The following EHBP1 variants were observed in gnomAD, a reference collection of about 807,000 sequenced individuals.
EHBP1 encodes the protein EH domain-binding protein 1.
EHBP1 carries 55 observed loss-of-function variants against 144.0 expected under a neutral mutation model. The observed-to-expected ratio is 0.38, with a 90% confidence interval of 0.31 to 0.48. EHBP1 has a LOEUF of 0.48. Among genes scored for constraint, EHBP1 ranks in the 20% least tolerant of loss-of-function variants. The probability of loss-of-function intolerance (pLI) is 0.98; values close to 1 mark genes in which losing one functional copy is unlikely to be tolerated. For missense variants in EHBP1, 1,200 were observed against 1,364.2 expected, an observed-to-expected ratio of 0.88 and a Z score of 1.90; for synonymous variants, 469 against 472.7, an observed-to-expected ratio of 0.99 and a Z score of 0.10.
At chr2:62,692,036 C>T (rs1337325779) in intron 1 of EHBP1, among the ~76,000 whole-genome samples, 1 of 151,958 alleles carries the variant, frequency 6.6e-6, no homozygotes, top group Non-Finnish European at 1.5e-5. Context: ...CAAAAAGAAG[C>T]CAATATTTAT....
intron 5 of EHBP1, among the ~76,000 whole-genome samples, chr2:62,805,267 T>C (rs2044351986): frequency 6.6e-6 from 1 of 152,120 alleles, no homozygotes; most frequent in Non-Finnish European, 1.5e-5. Context: ...CCATTCTAAA[T>C]TATATTATGG....
intron 2 of EHBP1, among the ~76,000 whole-genome samples, chr2:62,721,496 T>G (rs1055738831): frequency 5.9e-5 from 9 of 152,368 alleles, no homozygotes; most frequent in African/African-American, 2.2e-4. Context: ...TTTCATCTCC[T>G]GGAAGGAGAA....
intron 10 of EHBP1, among the ~76,000 whole-genome samples, chr2:62,910,406 A>T (rs1574015082): frequency 6.6e-6 from 1 of 152,224 alleles, no homozygotes; most frequent in East Asian, 1.9e-4. Flanking sequence ...GGGGAGAAAA[A>T]ATCAGTTTTA....
intron 19 of EHBP1, among the ~76,000 whole-genome samples, chr2:63,016,795 G>A (rs565236256): frequency 1.2e-3 from 177 of 152,242 alleles, no homozygotes; most frequent in African/African-American, 4.0e-3. Flanking sequence ...TCAAACAATT[G>A]ATTCTGCCAC....
At chr2:62,995,891 A>G (rs1047130062) in intron 18 of EHBP1, among the ~76,000 whole-genome samples, 1 of 152,132 alleles carries the variant, frequency 6.6e-6, no homozygotes, top group African/African-American at 2.4e-5. Context: ...TGGTTCAAAA[A>G]GTAAATTTTC....
intron 5 of EHBP1, chr2:62,772,160 A>G (rs1456382414): frequency 7.2e-6 from 1 of 138,974 alleles, no homozygotes; most frequent in Non-Finnish European, 1.6e-5. Context: ...AGAGAAAGAG[A>G]GAAAGGGAGG....
chr2:62,747,798 T>TG (rs1000926315), intron 3 of EHBP1, among the ~76,000 whole-genome samples: 7 of 151,698 alleles, frequency 4.6e-5, no homozygotes, highest in Admixed American at 4.6e-4. Flanking sequence ...TATAAGGAGG[T>TG]GGGGGGCCTT....
At chr2:62,859,931 T>C (rs2049367463) in intron 8 of EHBP1, among the ~76,000 whole-genome samples, 1 of 152,202 alleles carries the variant, frequency 6.6e-6, no homozygotes, top group Admixed American at 6.5e-5. Context: ...AATGATTAAC[T>C]ACTGTTTACA....
chr2:62,990,623 A>G (rs1457738022), intron 15 of EHBP1, 93 bp from the exon 16 acceptor site: 1 of 1,311,898 alleles, frequency 7.6e-7, no homozygotes, highest in East Asian at 2.4e-5. Context: ...CTTTTAAAAT[A>G]TAGTAATACT....
At position 62,993,524 on chromosome 2, in the gene EHBP1, G is replaced by C. The variant is rs188275816; in HGVS notation, c.2734-6G>C. 6.4e-7 allele frequency: 1 copy of C among 1,570,330 alleles called. No individual in the cohort carries two copies. The highest frequency in any genetic ancestry group is 1.4e-5 in the African/African-American group (1 of 73,888). Reference sequence around the variant, plus strand: ...ACTCTCTTACCATGTGTTGTTTTACGTTTAGAGTGGCACAGAAGATCTCCG... The same window carrying C: ...ACTCTCTTACCATGTGTTGTTTTACCTTTAGAGTGGCACAGAAGATCTCCG... On this transcript the variant is annotated splice_region_variant and splice_polypyrimidine_tract_variant and intron_variant, in intron 16 of 22. Transcript: ENST00000431489.
Position 62,764,370 on chromosome 2 carries a change from C to T in EHBP1, c.258+9C>T, listed in dbSNP as rs778945269. 1.3e-5 allele frequency: 21 copies of T among 1,556,512 alleles called. No individual in the cohort carries two copies. The highest frequency in any genetic ancestry group is 1.6e-5 in the Non-Finnish European group (19 of 1,153,916). Reference sequence around the variant, plus strand: ...CTGTAACACTTTTTAAGGTAAGTTCCATTTTTATAGGCTATAGAATTTATT... The same window carrying T: ...CTGTAACACTTTTTAAGGTAAGTTCTATTTTTATAGGCTATAGAATTTATT... On this transcript the variant is annotated intron_variant, in intron 4 of 22. Transcript: ENST00000431489.
At chr2:63,030,364 A>G (rs1374998215) in intron 19 of EHBP1, among the ~76,000 whole-genome samples, 2 of 152,032 alleles carry the variant, frequency 1.3e-5, no homozygotes, top group Non-Finnish European at 2.9e-5. Flanking sequence ...TGAATGTATA[A>G]ATGCTTATAA....
chr2:62,848,547 G>T (rs1256177197), intron 7 of EHBP1, among the ~76,000 whole-genome samples: 2 of 152,166 alleles, frequency 1.3e-5, no homozygotes, highest in Non-Finnish European at 2.9e-5. Context: ...TACATCAACA[G>T]AAGAATGGCT....
intron 2 of EHBP1, among the ~76,000 whole-genome samples, chr2:62,732,153 A>C (rs530856191): frequency 6.6e-5 from 10 of 152,002 alleles, no homozygotes; most frequent in Non-Finnish European, 1.0e-4. Flanking sequence ...GCTTCTTTCA[A>C]TATTTTCCTT....
intron 10 of EHBP1, among the ~76,000 whole-genome samples, chr2:62,876,085 C>A (rs2152851758): frequency 6.6e-6 from 1 of 152,240 alleles, no homozygotes; most frequent in South Asian, 2.1e-4. Flanking sequence ...TGAAAATTTC[C>A]CCATCCTTGC....
intron 1 of EHBP1, among the ~76,000 whole-genome samples, chr2:62,688,666 T>G (rs1460510560): frequency 6.6e-6 from 1 of 152,192 alleles, no homozygotes; most frequent in Non-Finnish European, 1.5e-5. Context: ...TCTGTTCTAC[T>G]TTTCACTTCT....
At chr2:63,005,752 C>T (rs192917583) in intron 19 of EHBP1, among the ~76,000 whole-genome samples, 3 of 152,096 alleles carry the variant, frequency 2.0e-5, no homozygotes, top group African/African-American at 7.2e-5. Flanking sequence ...AATAATAAGG[C>T]TACTCACAAA....
chr2:63,025,674 T>G (rs1194572743), intron 19 of EHBP1, among the ~76,000 whole-genome samples: 2 of 152,164 alleles, frequency 1.3e-5, no homozygotes, highest in African/African-American at 4.8e-5. Context: ...GGTGAACTAT[T>G]GGGGTACCAT....
At chr2:62,725,594 G>C (rs2036691427) in intron 2 of EHBP1, among the ~76,000 whole-genome samples, 1 of 152,182 alleles carries the variant, frequency 6.6e-6, no homozygotes, top group Non-Finnish European at 1.5e-5. Flanking sequence ...CAGCAGTGTT[G>C]GTACAAAGGC....
Sources: allele counts gnomAD v4.1 joint callset (sites outside exome capture counted in the v4.1 genomes callset), GRCh38; gene constraint gnomAD v4.1.1; transcripts MANE v1.5; gene names NCBI Gene and HGNC (gene_info 2026-07-23, HGNC 2026-07-21).